SETBP1: variants seen among roughly 807,000 people sequenced by gnomAD.
The protein encoded by SETBP1 is SET-binding protein.
Under a neutral mutation model 101.0 loss-of-function variants are expected in SETBP1, and 9 were observed. The ratio of observed to expected loss-of-function variants is 0.09; its 90% CI spans 0.05 to 0.16. The LOEUF (loss-of-function observed/expected upper bound fraction) is 0.16. Ranked by LOEUF, SETBP1 falls within the 10% of genes least tolerant of loss-of-function variation. The probability of loss-of-function intolerance (pLI) is 1.00; values close to 1 mark genes in which losing one functional copy is unlikely to be tolerated. For missense variants in SETBP1, 1,858 were observed against 2,033.8 expected (o/e 0.91, Z 1.66); for synonymous variants, 818 against 788.5 (o/e 1.04, Z -0.63).
At chr18:44,917,401 A>T (rs1000829652) in intron 3 of SETBP1, among the ~76,000 whole-genome samples, 1 of 152,096 alleles carries the variant, frequency 6.6e-6, no homozygotes, top group Non-Finnish European at 1.5e-5. Context: ...CTGATCCCAG[A>T]GTTACTCAGC....
chr18:44,706,401 C>T lies in SETBP1; in HGVS notation c.486+4569C>T, dbSNP rs183413147. On this transcript the variant is annotated intron_variant, in intron 2 of 5. Coordinates refer to ENST00000649279, the MANE Select transcript of SETBP1 (RefSeq NM_015559.3). Reference sequence around the variant, plus strand: ...AGGAGTTCGAGATCAGCCTGCCCAACGTAGCAAAACCCCATCTCTACTAAA... The same window carrying T: ...AGGAGTTCGAGATCAGCCTGCCCAATGTAGCAAAACCCCATCTCTACTAAA... Among the ~76,000 whole-genome samples, 232 of 151,614 alleles carry T rather than the reference C, an allele frequency of 1.5e-3. 2 individuals are homozygous for T. Among genetic ancestry groups the T allele is most frequent in the African/African-American group, 4.4e-3 (182 of 41,346 alleles).
intron 2 of SETBP1, among the ~76,000 whole-genome samples, chr18:44,745,192 T>C (rs1440860250): frequency 6.6e-6 from 1 of 152,230 alleles, no homozygotes; most frequent in East Asian, 1.9e-4. Context: ...ACCCCTTTCT[T>C]TAAATGCTTA....
chr18:44,988,374 C>T (rs756105549), intron 4 of SETBP1: 1 of 152,092 alleles, frequency 6.6e-6, no homozygotes, highest in African/African-American at 2.4e-5. Flanking sequence ...TGTGTATTGA[C>T]GTTGGGATTA....
chr18:44,752,583 A>T (rs1671447667), intron 2 of SETBP1, among the ~76,000 whole-genome samples: 1 of 152,196 alleles, frequency 6.6e-6, no homozygotes, highest in Non-Finnish European at 1.5e-5. Context: ...ATCTAAAGAA[A>T]TGAGTATACT....
intron 3 of SETBP1, among the ~76,000 whole-genome samples, chr18:44,939,163 C>T (rs1211009045): frequency 1.3e-5 from 2 of 152,048 alleles, no homozygotes; most frequent in Non-Finnish European, 1.5e-5. Flanking sequence ...AGCTGTGTGA[C>T]TCACACTCCT....
At chr18:44,712,176 T>C (rs2069362093) in intron 2 of SETBP1, among the ~76,000 whole-genome samples, 1 of 152,190 alleles carries the variant, frequency 6.6e-6, no homozygotes, top group South Asian at 2.1e-4. Context: ...TTATTGTGGT[T>C]CCCTCCCTCC....
chr18:45,015,906 A>T (rs2072930190), intron 4 of SETBP1, among the ~76,000 whole-genome samples: 1 of 152,224 alleles, frequency 6.6e-6, no homozygotes, highest in Admixed American at 6.5e-5. Context: ...CTCTTACAAG[A>T]TGTCACATGT....
At chr18:44,931,120 G>A (rs2144990952) in intron 3 of SETBP1, among the ~76,000 whole-genome samples, 1 of 152,204 alleles carries the variant, frequency 6.6e-6, no homozygotes, top group East Asian at 1.9e-4. Flanking sequence ...ATGTGTCCCA[G>A]AGATTATGGT....
intron 2 of SETBP1, among the ~76,000 whole-genome samples, chr18:44,862,836 G>T (rs1568186859): frequency 6.6e-6 from 1 of 152,220 alleles, no homozygotes; most frequent in Admixed American, 6.5e-5. Flanking sequence ...CAGCCTTGGG[G>T]TGAGAGGGAT....
At chr18:44,729,663 T>C (rs2069791305) in intron 2 of SETBP1, among the ~76,000 whole-genome samples, 1 of 152,230 alleles carries the variant, frequency 6.6e-6, no homozygotes, top group East Asian at 1.9e-4. Context: ...GTTCTGCAGA[T>C]TACTGTGGGC....
chr18:44,705,561 C>T (rs561361807), intron 2 of SETBP1, among the ~76,000 whole-genome samples: 2 of 152,158 alleles, frequency 1.3e-5, no homozygotes, highest in East Asian at 3.9e-4. Flanking sequence ...TTAAGTGAAC[C>T]AGTTAATTTT....
At chr18:44,743,554 CA>C (rs1452752370) in intron 2 of SETBP1, among the ~76,000 whole-genome samples, 1 of 152,156 alleles carries the variant, frequency 6.6e-6, no homozygotes, top group East Asian at 1.9e-4. Context: ...AAGGGTCTGC[CA>C]GGGGCAGTGG....
In SETBP1 at chr18:45,063,114, G is replaced by A. The variant is rs766837961; in HGVS notation, c.4207G>A (p.Glu1403Lys). Residue 1403 changes from glutamate to lysine, a missense_variant, in exon 6 of 6, where the codon GAG becomes AAG. Physicochemically the swap from Glu to Lys is moderately conservative, Grantham distance 56 (BLOSUM62 1). Around this residue, in one of 12 missense-constraint regions of SETBP1, gnomAD observed 417 missense variants for 389.1 expected, o/e 1.07. Transcript: ENST00000649279. ...CCTGAAGAAGAGGTTCAAGCGGCGG[G>A]AGATCGAAGCCATCCAGTGCGAAGT... ...SSLKKRFKRREIEAIQCEVRK... is the reference protein window; with the variant it reads ...SSLKKRFKRRKIEAIQCEVRK... The A allele has an allele frequency of 1.2e-6, 2 of 1,613,844 alleles. No individual in the cohort carries two copies. Among genetic ancestry groups the A allele is most frequent in the Non-Finnish European group, 1.7e-6 (2 of 1,180,012 alleles).
intron 2 of SETBP1, among the ~76,000 whole-genome samples, chr18:44,835,365 C>A (rs2072474591): frequency 1.3e-5 from 2 of 151,738 alleles, no homozygotes; most frequent in Non-Finnish European, 2.9e-5. Context: ...GACAGTCTCT[C>A]TACTGTGTCC....
rs145731841 is a variant in SETBP1 at position 44,868,137 on chromosome 18, G to A, written c.487-1093G>A. Among the ~76,000 whole-genome samples, 869 of 152,294 alleles carry A rather than the reference G, an allele frequency of 5.7e-3. 5 individuals carry two copies. The highest frequency in any genetic ancestry group is 9.0e-3 in the Non-Finnish European group (609 of 68,024). On this transcript the variant is annotated intron_variant, in intron 2 of 5. Transcript: ENST00000649279. The stretch of plus-strand genomic sequence containing the variant: ...TCTTGTGCAAAACCCTGGAAAGGAT[G>A]CAAAAATATTTAAAACCGTAACTTT...
At chr18:45,015,616 C>A (rs940304074) in intron 4 of SETBP1, among the ~76,000 whole-genome samples, 2 of 152,170 alleles carry the variant, frequency 1.3e-5, no homozygotes, top group Non-Finnish European at 2.9e-5. Flanking sequence ...AAACATCTCA[C>A]AAACGTGTTT....
intron 2 of SETBP1, among the ~76,000 whole-genome samples, chr18:44,790,179 TCCAGAAAGGAGAATTTGGGTACTTTTGGC>T (rs1284383473): frequency 6.6e-6 from 1 of 151,990 alleles, no homozygotes; most frequent in African/African-American, 2.4e-5. Context: ...TTACTTTTGC[TCCAGAAAGGAGAATTTGGGTACTTTTGGC>T]CCAACTTAAA....
intron 3 of SETBP1, among the ~76,000 whole-genome samples, chr18:44,878,679 CCACAATAAATAAGCAAGCT>C (rs2069463999): frequency 6.6e-6 from 1 of 152,146 alleles, no homozygotes; most frequent in Admixed American, 6.6e-5. Flanking sequence ...AGGCCCATCT[CCACAATAAATAAGCAAGCT>C]CACTTTTTTA....
intron 3 of SETBP1, among the ~76,000 whole-genome samples, chr18:44,881,117 T>G (rs1340655698): frequency 1.3e-5 from 2 of 152,222 alleles, no homozygotes; most frequent in Non-Finnish European, 2.9e-5. Context: ...ACTACACATT[T>G]TATCTTTGGA....
Sources: gnomAD v4.1 joint callset for allele counts (sites outside exome capture counted in the v4.1 genomes callset) on GRCh38, gnomAD v4.1.1 for gene constraint, gnomAD v4.1.1 regional missense constraint, MANE v1.5 for transcripts, NCBI Gene and HGNC (gene_info 2026-07-23, HGNC 2026-07-21) for gene names.